Variants in BCKDHB observed in about 807,000 individuals in gnomAD.
BCKDHB encodes branched chain keto acid dehydrogenase E1 subunit beta.
In BCKDHB, 41 loss-of-function variants were observed where a neutral mutation model predicts 48.5. The observed-to-expected ratio is 0.85, with a 90% CI of 0.66 to 1.10. The LOEUF is 1.10. Among genes scored for constraint, BCKDHB ranks in the 50% least tolerant of loss-of-function variants. BCKDHB has a pLI of 0.00. For synonymous variants in BCKDHB, 201 were observed against 174.8 expected, an observed-to-expected ratio of 1.15 and a Z score of -1.18; for missense variants, 496 against 494.2, an observed-to-expected ratio of 1.00 and a Z score of -0.03.
At chr6:80,264,044 A>C (rs1356527833) in intron 8 of BCKDHB, among the ~76,000 whole-genome samples, 1 of 152,194 alleles carries the variant, frequency 6.6e-6, no homozygotes, top group African/African-American at 2.4e-5. Flanking sequence ...AAGGAGTTGA[A>C]ATTTAAAATT....
chr6:80,441,560 A>T, the BCKDHB span, among the ~76,000 whole-genome samples: 103 of 152,310 alleles, frequency 6.8e-4, no homozygotes, highest in Non-Finnish European at 1.1e-3. Context: ...TTAAAATAAC[A>T]TATAATAAAC....
chr6:80,244,959 A>G (rs930633017), intron 8 of BCKDHB, among the ~76,000 whole-genome samples: 2 of 152,306 alleles, frequency 1.3e-5, no homozygotes, highest in African/African-American at 4.8e-5. Context: ...CAATTCAACA[A>G]ACTTTTGTTG....
chr6:80,190,328 T>C (rs1275686912), intron 6 of BCKDHB, among the ~76,000 whole-genome samples: 2 of 152,176 alleles, frequency 1.3e-5, no homozygotes, highest in Non-Finnish European at 2.9e-5. Flanking sequence ...ATACACAGTT[T>C]TTGCAATTTT....
At chr6:80,151,218 T>A (rs1278689340) in intron 3 of BCKDHB, among the ~76,000 whole-genome samples, 1 of 152,180 alleles carries the variant, frequency 6.6e-6, no homozygotes, top group Non-Finnish European at 1.5e-5. Flanking sequence ...CTATTTTTAT[T>A]TACTCATTGG....
chr6:80,190,094 T>A (rs1026047795), intron 6 of BCKDHB, among the ~76,000 whole-genome samples: 1 of 152,088 alleles, frequency 6.6e-6, no homozygotes, highest in Non-Finnish European at 1.5e-5. Flanking sequence ...AGGCAGATGG[T>A]GGATGATAAG....
chr6:80,216,183 C>CT (rs1775163408), intron 8 of BCKDHB, among the ~76,000 whole-genome samples: 1 of 152,090 alleles, frequency 6.6e-6, no homozygotes, highest in African/African-American at 2.4e-5. Flanking sequence ...GGGAAGAAAA[C>CT]TGAGGTTTGG....
intron 9 of BCKDHB, among the ~76,000 whole-genome samples, chr6:80,327,905 T>C (rs1259370695): frequency 2.2e-5 from 3 of 137,124 alleles, no homozygotes; most frequent in African/African-American, 5.3e-5. Flanking sequence ...TCCCCTTTTC[T>C]CCCCTCCCTT....
In BCKDHB at chr6:80,129,166, T is replaced by C. The variant is rs1562070384; in HGVS notation, c.280T>C (p.Phe94Leu). ...ATTTAAATACTGTTTTTCAGTAATA[T>C]TTGGTGAAGATGTTGCCTTTGGTGG... is the stretch of plus-strand genomic sequence containing the variant. The part of the protein sequence containing the change: ...SLAKDPTAVI[F>L]GEDVAFGGVF... The change falls in exon 3 of 10, where the codon TTT (phenylalanine) becomes CTT (leucine). Residue 94 changes from phenylalanine to leucine, a missense_variant. Physicochemically the swap from Phe to Leu is conservative, Grantham distance 22. Transcript: ENST00000320393. 2 of 1,606,774 alleles carry C rather than the reference T, an allele frequency of 1.2e-6. No homozygotes were observed. The highest frequency in any genetic ancestry group is 2.2e-5 in the South Asian group (2 of 89,954).
chr6:80,133,797 C>T (rs753717089), intron 3 of BCKDHB, among the ~76,000 whole-genome samples: 1 of 152,028 alleles, frequency 6.6e-6, no homozygotes, highest in Non-Finnish European at 1.5e-5. Context: ...TGCCCACCAC[C>T]ACACCTGGCT....
intron 1 of BCKDHB, among the ~76,000 whole-genome samples, chr6:80,124,886 T>A (rs1770258472): frequency 6.6e-6 from 1 of 152,186 alleles, no homozygotes; most frequent in Non-Finnish European, 1.5e-5. Flanking sequence ...GGATTTAGCA[T>A]AATTCTCAAG....
At chr6:80,108,774 C>G (rs946879858) in intron 1 of BCKDHB, among the ~76,000 whole-genome samples, 1 of 152,006 alleles carries the variant, frequency 6.6e-6, no homozygotes, top group Non-Finnish European at 1.5e-5. Flanking sequence ...GGAGGAGAAT[C>G]GCTTGAACCT....
the BCKDHB span, among the ~76,000 whole-genome samples, chr6:80,386,571 A>G: frequency 2.0e-5 from 3 of 152,170 alleles, no homozygotes; most frequent in Non-Finnish European, 4.4e-5. Flanking sequence ...TACAAAATTT[A>G]AATGCAATGG....
At position 80,212,823 on chromosome 6, in the gene BCKDHB, G is replaced by A. The variant is rs190825277; in HGVS notation, c.951+9611G>A. On this transcript the variant is annotated intron_variant, in intron 8 of 9. Coordinates refer to ENST00000320393, the MANE Select transcript of BCKDHB (RefSeq NM_183050.4). ...TTAGGCACTACTCAAATACCATTAAGGCCTTCCTTGACCAGCTTATGTGAT... is the reference window on the plus strand; with the variant it reads ...TTAGGCACTACTCAAATACCATTAAAGCCTTCCTTGACCAGCTTATGTGAT... Among the ~76,000 whole-genome samples the A allele has an allele frequency of 7.9e-5, 12 of 152,258 alleles. No individual in the cohort carries two copies. In the East Asian group the frequency reaches 2.3e-3, roughly 29 times the overall value.
intron 9 of BCKDHB, among the ~76,000 whole-genome samples, chr6:80,299,210 C>T (rs768084238): frequency 3.5e-4 from 54 of 152,188 alleles, no homozygotes; most frequent in Non-Finnish European, 6.9e-4. Flanking sequence ...CTCTTAATTC[C>T]CCTAAATTGA....
At chr6:80,260,133 C>G (rs1227034256) in intron 8 of BCKDHB, among the ~76,000 whole-genome samples, 1 of 152,120 alleles carries the variant, frequency 6.6e-6, no homozygotes. Flanking sequence ...AGACACCACT[C>G]TCACCGCTAG....
chr6:80,452,896 A>C, the BCKDHB span, among the ~76,000 whole-genome samples: 57 of 152,052 alleles, frequency 3.7e-4, no homozygotes, highest in African/African-American at 1.3e-3. Context: ...AGCATGCAAC[A>C]AACTATCTTT....
intron 8 of BCKDHB, among the ~76,000 whole-genome samples, chr6:80,204,288 G>C (rs1395595288): frequency 6.6e-6 from 1 of 152,078 alleles, no homozygotes; most frequent in Admixed American, 6.6e-5. Flanking sequence ...GTAAATGTTT[G>C]TGAAGACTCA....
At chr6:80,466,419 A>G in the BCKDHB span, among the ~76,000 whole-genome samples, 1 of 152,182 alleles carries the variant, frequency 6.6e-6, no homozygotes, top group Admixed American at 6.6e-5. Context: ...ATAAGAGGTA[A>G]GTAAATGCTG....
chr6:80,143,025 A>C (rs1411097972), intron 3 of BCKDHB, among the ~76,000 whole-genome samples: 4 of 152,166 alleles, frequency 2.6e-5, no homozygotes, highest in Admixed American at 2.0e-4. Context: ...TAGATTCCTA[A>C]AATTATCAGG....
Sources: allele counts gnomAD v4.1 joint callset (sites outside exome capture counted in the v4.1 genomes callset), GRCh38; gene constraint gnomAD v4.1.1; transcripts MANE v1.5; gene names NCBI Gene and HGNC (gene_info 2026-07-23, HGNC 2026-07-21).